Variants in STOX2 observed in about 807,000 individuals in gnomAD.
STOX2 encodes the protein storkhead-box protein 2.
Under a neutral mutation model 60.9 loss-of-function variants are expected in STOX2, and 28 were observed. The ratio of observed to expected loss-of-function variants is 0.46; its 90% CI spans 0.34 to 0.63. The LOEUF (loss-of-function observed/expected upper bound fraction) is 0.63, where lower values mean the gene tolerates loss of function less well. Ranked by LOEUF, STOX2 falls within the 30% of genes least tolerant of loss-of-function variation. STOX2 has a pLI of 0.01. For missense variants in STOX2, 1,024 were observed against 1,187.7 expected (o/e 0.86, Z 2.03); for synonymous variants, 472 against 463.9 (o/e 1.02, Z -0.22).
chr4:183,889,510 G>A (rs1006993496), intron 1 of STOX2, among the ~76,000 whole-genome samples: 1 of 152,248 alleles, frequency 6.6e-6, no homozygotes, highest in Non-Finnish European at 1.5e-5. Context: ...TAAGCTGCCA[G>A]TGTGTGGTGT....
chr4:183,907,573 A>G (rs1230356686), intron 1 of STOX2, among the ~76,000 whole-genome samples: 1 of 152,262 alleles, frequency 6.6e-6, no homozygotes, highest in African/African-American at 2.4e-5. Context: ...TATGGAAAGA[A>G]TGGAGGCTGT....
chr4:183,900,337 G>A (rs534437049), upstream of STOX2, among the ~76,000 whole-genome samples: 19 of 152,196 alleles, frequency 1.2e-4, no homozygotes, highest in African/African-American at 2.6e-4. Flanking sequence ...TAAGAAATAC[G>A]TTTCATGAGG....
intron 1 of STOX2, among the ~76,000 whole-genome samples, chr4:183,868,502 C>G (rs1361778523): frequency 6.6e-6 from 1 of 152,210 alleles, no homozygotes; most frequent in African/African-American, 2.4e-5. Flanking sequence ...CTCAGGTCAT[C>G]TGGGCATGCT....
At chr4:183,803,621 C>T (rs1738817388) in intron 1 of STOX2, among the ~76,000 whole-genome samples, 1 of 152,152 alleles carries the variant, frequency 6.6e-6, no homozygotes, top group African/African-American at 2.4e-5. Flanking sequence ...GATACAGTCC[C>T]TGTACTTTTG....
chr4:183,978,913 A>G (rs1732544702), intron 1 of STOX2, among the ~76,000 whole-genome samples: 1 of 152,224 alleles, frequency 6.6e-6, no homozygotes, highest in Non-Finnish European at 1.5e-5. Context: ...TAAAACTTAC[A>G]GAATCTGTAC....
intron 1 of STOX2, among the ~76,000 whole-genome samples, chr4:183,866,220 A>G (rs906584326): frequency 3.3e-5 from 5 of 152,122 alleles, no homozygotes; most frequent in African/African-American, 1.2e-4. Context: ...TCTTATATCC[A>G]GTGCTCAGCT....
chr4:183,886,438 C>T lies in STOX2; in HGVS notation c.364+88383C>T, dbSNP rs111369835. Reference sequence around the variant, plus strand: ...CGAATGTTTCTAAGCAGGGGACTACCTGGATTTTTCAGTAATACAGACTGA... The same window carrying T: ...CGAATGTTTCTAAGCAGGGGACTACTTGGATTTTTCAGTAATACAGACTGA... On this transcript the variant is annotated intron_variant, in intron 1 of 2. Transcript: ENST00000513034. Among the ~76,000 whole-genome samples, 391 of 152,040 alleles carry T rather than the reference C, an allele frequency of 2.6e-3. 1 individual carries two copies. Among genetic ancestry groups the T allele is most frequent in the Non-Finnish European group, 4.1e-3 (279 of 67,866 alleles).
intron 1 of STOX2, among the ~76,000 whole-genome samples, chr4:183,807,251 C>T (rs1366399233): frequency 1.3e-5 from 2 of 152,156 alleles, no homozygotes; most frequent in Admixed American, 6.5e-5. Flanking sequence ...GGATTACAGG[C>T]CTGAACCACC....
intron 1 of STOX2, chr4:183,798,082 C>G (rs1412589336): frequency 8.2e-6 from 10 of 1,225,724 alleles, no homozygotes; most frequent in Admixed American, 4.3e-5. Context: ...CGCGCCCGTC[C>G]CGTCCCTTCC....
At chr4:183,967,908 C>A (rs537437173) in intron 1 of STOX2, among the ~76,000 whole-genome samples, 1 of 152,142 alleles carries the variant, frequency 6.6e-6, no homozygotes, top group East Asian at 1.9e-4. Flanking sequence ...ATGAGGAAGA[C>A]AAAACTTAAG....
intron 1 of STOX2, among the ~76,000 whole-genome samples, chr4:183,895,132 C>G (rs1054381563): frequency 6.6e-6 from 1 of 152,158 alleles, no homozygotes; most frequent in Non-Finnish European, 1.5e-5. Context: ...GTTCCTCAAG[C>G]TCTGTGGGCA....
chr4:183,824,630 T>C (rs888341276), intron 1 of STOX2, among the ~76,000 whole-genome samples: 7 of 152,200 alleles, frequency 4.6e-5, no homozygotes, highest in Admixed American at 4.6e-4. Flanking sequence ...TAAACAGAAA[T>C]TATATTTATT....
At chr4:183,924,098 C>T (rs1051445553) in intron 1 of STOX2, among the ~76,000 whole-genome samples, 2 of 152,180 alleles carry the variant, frequency 1.3e-5, no homozygotes, top group African/African-American at 4.8e-5. Context: ...GGTTTGGTAG[C>T]CACTGATTTG....
At chr4:183,807,015 C>CG (rs1561100239) in intron 1 of STOX2, among the ~76,000 whole-genome samples, 1 of 151,950 alleles carries the variant, frequency 6.6e-6, no homozygotes, top group African/African-American at 2.4e-5. Flanking sequence ...CTCTGTCGCC[C>CG]AGGCTGGAGT....
intron 1 of STOX2, among the ~76,000 whole-genome samples, chr4:183,908,660 A>G (rs1477709158): frequency 6.6e-6 from 1 of 150,514 alleles, no homozygotes; most frequent in African/African-American, 2.5e-5. Flanking sequence ...TCTTTGCAAA[A>G]GAACTTGTCT....
At chr4:183,855,765 G>A (rs934205034) in intron 1 of STOX2, among the ~76,000 whole-genome samples, 17 of 152,182 alleles carry the variant, frequency 1.1e-4, no homozygotes, top group South Asian at 4.1e-4. Flanking sequence ...ACTATGCAGC[G>A]GAAGGTATGG....
intron 1 of STOX2, among the ~76,000 whole-genome samples, chr4:183,948,409 C>T (rs1478060840): frequency 2.0e-5 from 3 of 151,782 alleles, no homozygotes; most frequent in Non-Finnish European, 4.4e-5. Context: ...TTTCCAGTAG[C>T]TCCATATTTC....
At chr4:183,895,688 A>C (rs1381850740) in intron 1 of STOX2, among the ~76,000 whole-genome samples, 1 of 152,126 alleles carries the variant, frequency 6.6e-6, no homozygotes, top group East Asian at 1.9e-4. Flanking sequence ...TTATTTTTGA[A>C]TTTTGGTACC....
chr4:183,807,034 G>A (rs1004620897), intron 1 of STOX2, among the ~76,000 whole-genome samples: 19 of 151,832 alleles, frequency 1.3e-4, no homozygotes, highest in African/African-American at 1.9e-4. Context: ...GTGCAGTGGC[G>A]CGATCTCGGC....
Sources: allele counts gnomAD v4.1 joint callset (sites outside exome capture counted in the v4.1 genomes callset), GRCh38; gene constraint gnomAD v4.1.1; transcripts MANE v1.5; gene names NCBI Gene and HGNC (gene_info 2026-07-23, HGNC 2026-07-21).